The following BARX2 variants were observed in gnomAD, a reference collection of about 807,000 sequenced individuals.
The protein encoded by BARX2 is BARX homeobox 2, also known as homeobox protein BarH-like 2.
Under a neutral mutation model 25.5 loss-of-function variants are expected in BARX2, and 11 were observed. The ratio of observed to expected loss-of-function variants is 0.43; its 90% CI spans 0.27 to 0.71. BARX2 has a LOEUF of 0.71. Ranked by LOEUF, BARX2 falls within the 30% of genes least tolerant of loss-of-function variation. BARX2 has a pLI of 0.19. For missense variants in BARX2, 360 were observed against 359.9 expected (o/e 1.00, Z 0.00); for synonymous variants, 137 against 149.5 (o/e 0.92, Z 0.61).
intron 1 of BARX2, among the ~76,000 whole-genome samples, chr11:129,383,107 C>T (rs1327906296): frequency 6.6e-6 from 1 of 152,196 alleles, no homozygotes. Context: ...CACAAATACT[C>T]TCCAGGAAGA....
chr11:129,378,997 C>T (rs1190774521), intron 1 of BARX2, among the ~76,000 whole-genome samples: 23 of 152,176 alleles, frequency 1.5e-4, no homozygotes, highest in Non-Finnish European at 1.5e-5. Flanking sequence ...AGATAATCAC[C>T]TGACAGGAAT....
chr11:129,393,057 G>A (rs1043300699), intron 1 of BARX2, among the ~76,000 whole-genome samples: 4 of 152,062 alleles, frequency 2.6e-5, no homozygotes, highest in Admixed American at 2.6e-4. Context: ...GATCATTTGA[G>A]CCCAGGAATT....
At chr11:129,440,922 T>C (rs34912778) in intron 2 of BARX2, among the ~76,000 whole-genome samples, 38,940 of 152,100 alleles carry the variant, frequency 0.26, 6,184 homozygotes, top group African/African-American at 0.45. Flanking sequence ...AAGTGGGGGT[T>C]GCTGCCCAAG....
chr11:129,392,531 C>A (rs894728071), intron 1 of BARX2, among the ~76,000 whole-genome samples: 27 of 152,200 alleles, frequency 1.8e-4, no homozygotes, highest in African/African-American at 5.8e-4. Context: ...TAACAATACA[C>A]ACACATAACA....
intron 1 of BARX2, among the ~76,000 whole-genome samples, chr11:129,407,542 A>G (rs1861843995): frequency 6.6e-6 from 1 of 152,170 alleles, no homozygotes; most frequent in Non-Finnish European, 1.5e-5. Context: ...GATCAGCCCA[A>G]ATCCCATGTT....
At chr11:129,444,112 A>C (rs1416864121) in intron 3 of BARX2, among the ~76,000 whole-genome samples, 1 of 152,070 alleles carries the variant, frequency 6.6e-6, no homozygotes, top group Non-Finnish European at 1.5e-5. Context: ...TTTTCAGGAA[A>C]AAAAAAAAGT....
At chr11:129,403,415 C>T (rs1366473755) in intron 1 of BARX2, among the ~76,000 whole-genome samples, 4 of 152,176 alleles carry the variant, frequency 2.6e-5, no homozygotes, top group African/African-American at 4.8e-5. Context: ...CTACTGGTTT[C>T]TCAGCCTTCA....
intron 1 of BARX2, among the ~76,000 whole-genome samples, chr11:129,421,919 GT>G (rs1419477048): frequency 3.3e-5 from 5 of 151,934 alleles, no homozygotes; most frequent in Admixed American, 2.6e-4. Flanking sequence ...ACTTTTACCT[GT>G]TGCTTTATAT....
chr11:129,413,233 A>G (rs1230662573), intron 1 of BARX2, among the ~76,000 whole-genome samples: 1 of 152,060 alleles, frequency 6.6e-6, no homozygotes, highest in Non-Finnish European at 1.5e-5. Context: ...ATCTCTTTTC[A>G]ACAGGTAGAA....
Position 129,451,237 on chromosome 11 carries a change from C to T in BARX2, c.675C>T (p.Asn225=), listed in dbSNP as rs1402723014. Residue 225 remains asparagine (N), a synonymous_variant, in exon 4 of 4, where the codon AAC becomes AAT. Coordinates refer to ENST00000281437, the MANE Select transcript of BARX2 (RefSeq NM_003658.5). ...AGATTGAAGCTGAAGAGAAGATGAACAGCCAGGCCCAGGGTCAGGAGCAGC... is the reference window on the plus strand; with the variant it reads ...AGATTGAAGCTGAAGAGAAGATGAATAGCCAGGCCCAGGGTCAGGAGCAGC... The part of the protein sequence containing the change: ...SEEIEAEEKM[N]SQAQGQEQLE... The T allele has an allele frequency of 1.2e-6, 2 of 1,614,182 alleles. No homozygotes were observed.
intron 2 of BARX2, among the ~76,000 whole-genome samples, chr11:129,441,828 C>T (rs1428068428): frequency 2.0e-5 from 3 of 152,194 alleles, no homozygotes; most frequent in African/African-American, 7.2e-5. Context: ...CTAATCTCTC[C>T]AAGCCTCAAC....
intron 1 of BARX2, among the ~76,000 whole-genome samples, chr11:129,381,969 C>T (rs113152817): frequency 0.011 from 1,718 of 152,302 alleles, 31 homozygotes; most frequent in African/African-American, 0.039. Flanking sequence ...GTTGATTCTA[C>T]TTAGACGCGT....
chr11:129,442,350 C>T (rs1862271018), intron 2 of BARX2, among the ~76,000 whole-genome samples: 1 of 152,080 alleles, frequency 6.6e-6, no homozygotes, highest in Admixed American at 6.5e-5. Context: ...GACTGCTGGC[C>T]TGTGGGAGGG....
chr11:129,396,282 G>A (rs1425992343), intron 1 of BARX2, among the ~76,000 whole-genome samples: 1 of 152,000 alleles, frequency 6.6e-6, no homozygotes, highest in South Asian at 2.1e-4. Context: ...TCTCTTACTT[G>A]ATGTAGGTAA....
At chr11:129,386,477 A>C (rs1861617369) in intron 1 of BARX2, among the ~76,000 whole-genome samples, 1 of 152,232 alleles carries the variant, frequency 6.6e-6, no homozygotes, top group Non-Finnish European at 1.5e-5. Context: ...AGTTCTCTTT[A>C]TAGTCCATAA....
rs192038289 is a variant in BARX2 at position 129,446,731 on chromosome 11, G to A, written c.573+3812G>A. On this transcript the variant is annotated intron_variant, in intron 3 of 3. Transcript: ENST00000281437. ...GCTCCCCAGTCATCTCCAAGTCAGC[G>A]CCTTGGCATTTGGGGCCTTGCCTGA... Among the ~76,000 whole-genome samples, 164 of 152,192 alleles carry A rather than the reference G, an allele frequency of 1.1e-3. 1 individual carries two copies. Among genetic ancestry groups the A allele is most frequent in the African/African-American group, 3.8e-3 (158 of 41,544 alleles).
chr11:129,439,916 T>C (rs1296397783), intron 2 of BARX2, among the ~76,000 whole-genome samples: 1 of 152,042 alleles, frequency 6.6e-6, no homozygotes, highest in African/African-American at 2.4e-5. Flanking sequence ...CAGAGAATTT[T>C]TTTTTTCAGA....
upstream of BARX2, among the ~76,000 whole-genome samples, chr11:129,375,788 G>A (rs1230825140): frequency 2.6e-5 from 4 of 152,104 alleles, no homozygotes; most frequent in African/African-American, 7.2e-5. The surrounding 1 kb of genome is among the most constrained non-coding windows in gnomAD (Gnocchi z 4.0). Flanking sequence ...GGCCCTGCAG[G>A]AAGCTCGCGC....
intron 1 of BARX2, among the ~76,000 whole-genome samples, chr11:129,406,718 C>T (rs1565513688): frequency 6.6e-6 from 1 of 152,188 alleles, no homozygotes; most frequent in Non-Finnish European, 1.5e-5. Flanking sequence ...TCATAACTGC[C>T]TCTTTAGTTC....
Sources: allele counts gnomAD v4.1 joint callset (sites outside exome capture counted in the v4.1 genomes callset), GRCh38; gene constraint gnomAD v4.1.1; non-coding constraint Gnocchi (gnomAD v3.1); transcripts MANE v1.5; gene names NCBI Gene and HGNC (gene_info 2026-07-23, HGNC 2026-07-21).